Variants in RSRC1 observed in about 807,000 individuals in gnomAD.
RSRC1 encodes the protein arginine and serine rich coiled-coil 1.
Under a neutral mutation model 49.1 loss-of-function variants are expected in RSRC1, and 39 were observed. The observed-to-expected ratio is 0.79, with a 90% CI of 0.61 to 1.04. The LOEUF is 1.04. Among genes scored for constraint, RSRC1 ranks in the 50% least tolerant of loss-of-function variants. RSRC1 has a pLI of 0.00. For missense variants in RSRC1, 388 were observed against 402.4 expected (o/e 0.96, Z 0.31); for synonymous variants, 143 against 130.8 (o/e 1.09, Z -0.63).
intron 6 of RSRC1, among the ~76,000 whole-genome samples, chr3:158,386,278 T>C (rs1732961766): frequency 6.6e-6 from 1 of 152,150 alleles, no homozygotes; most frequent in South Asian, 2.1e-4. Context: ...TAGTACTTAT[T>C]AATTTATTAA....
At chr3:158,477,616 C>T (rs1738423137) in intron 7 of RSRC1, among the ~76,000 whole-genome samples, 1 of 151,594 alleles carries the variant, frequency 6.6e-6, no homozygotes, top group South Asian at 2.1e-4. Context: ...GTAGTGTAAA[C>T]ATAACTTTTA....
chr3:158,114,400 C>G (rs1714645868), intron 1 of RSRC1, among the ~76,000 whole-genome samples: 1 of 152,118 alleles, frequency 6.6e-6, no homozygotes, highest in East Asian at 1.9e-4. Flanking sequence ...GCTACTGTAG[C>G]CTGGTAGTAT....
At chr3:158,137,583 C>T (rs1716457524) in intron 3 of RSRC1, among the ~76,000 whole-genome samples, 1 of 151,602 alleles carries the variant, frequency 6.6e-6, no homozygotes, top group South Asian at 2.1e-4. Context: ...TTAGTAGATT[C>T]AGAATACTGA....
At position 158,229,310 on chromosome 3, in the gene RSRC1, G is replaced by GTA. The variant is rs1253749523; in HGVS notation, c.494+26070_494+26071dup. On this transcript the variant is annotated intron_variant, in intron 4 of 9. Transcript: ENST00000611884. ...TACACACACGTATATGTGTATGTATGTATATAAACATACACAGGTATATGT... is the reference window on the plus strand; with the variant it reads ...TACACACACGTATATGTGTATGTATGTATATATAAACATACACAGGTATATGT... Among the ~76,000 whole-genome samples the GTA allele has an allele frequency of 2.7e-4, 41 of 149,204 alleles. 1 individual carries two copies. The highest frequency in any genetic ancestry group is 3.0e-5 in the Non-Finnish European group (2 of 67,130).
chr3:158,431,231 T>G (rs1395928677), intron 6 of RSRC1, among the ~76,000 whole-genome samples: 1 of 150,274 alleles, frequency 6.7e-6, no homozygotes, highest in Non-Finnish European at 1.5e-5. Flanking sequence ...CAGCTTGGTA[T>G]TCTGAGTAAA....
At chr3:158,179,930 T>C (rs1227384810) in intron 3 of RSRC1, among the ~76,000 whole-genome samples, 1 of 152,202 alleles carries the variant, frequency 6.6e-6, no homozygotes, top group Non-Finnish European at 1.5e-5. Context: ...GATCTGATAG[T>C]TGAATAATGA....
chr3:158,259,730 G>A (rs1027894937), intron 4 of RSRC1, among the ~76,000 whole-genome samples: 1 of 152,120 alleles, frequency 6.6e-6, no homozygotes, highest in African/African-American at 2.4e-5. Context: ...CTGGAGCGAG[G>A]AACCTTAGTA....
At chr3:158,276,371 G>T in intron 4 of RSRC1, 2 of 779,582 alleles carry the variant, frequency 2.6e-6, no homozygotes, top group South Asian at 2.7e-5. Flanking sequence ...AGCGCATGAT[G>T]ACATCAGGCT....
chr3:158,235,681 C>A (rs1382546452), intron 4 of RSRC1, among the ~76,000 whole-genome samples: 3 of 152,110 alleles, frequency 2.0e-5, no homozygotes, highest in Non-Finnish European at 4.4e-5. Context: ...GTCTGTATTT[C>A]TTCTAATAAC....
intron 4 of RSRC1, among the ~76,000 whole-genome samples, chr3:158,214,584 C>T (rs1415132396): frequency 1.3e-5 from 2 of 151,560 alleles, no homozygotes; most frequent in Non-Finnish European, 1.5e-5. Context: ...TCTTTCTAAG[C>T]ACTGCTTGAG....
rs192005594 is a variant in RSRC1, at chr3:158,240,576, G to A, written c.494+37331G>A. 1.1e-3 allele frequency among the ~76,000 whole-genome samples: 165 copies of A among 152,176 alleles called. 2 individuals carry two copies. The highest frequency in any genetic ancestry group is 6.7e-3 in the Admixed American group (102 of 15,276). On this transcript the variant is annotated intron_variant, in intron 4 of 9. Coordinates refer to ENST00000611884, the MANE Select transcript of RSRC1 (RefSeq NM_001271838.2). ...CAATCTTCCTGGGTGAGATTTACGC[G>A]TAATTTTTCTTTCCTGTTCTCTCTT...
intron 6 of RSRC1, among the ~76,000 whole-genome samples, chr3:158,375,446 C>G (rs186621518): frequency 7.9e-5 from 12 of 151,708 alleles, no homozygotes; most frequent in Non-Finnish European, 1.5e-4. Context: ...CAGTAATCCA[C>G]TCACTTCAGC....
chr3:158,160,783 T>C (rs1410003405), intron 3 of RSRC1, among the ~76,000 whole-genome samples: 1 of 152,206 alleles, frequency 6.6e-6, no homozygotes, highest in African/African-American at 2.4e-5. Flanking sequence ...GTTAAAGTTT[T>C]TTTTAGCATC....
intron 6 of RSRC1, among the ~76,000 whole-genome samples, chr3:158,375,602 C>T (rs1399867736): frequency 1.3e-5 from 2 of 151,896 alleles, no homozygotes; most frequent in African/African-American, 4.8e-5. Flanking sequence ...TATATTCAAA[C>T]CTTATAGTAA....
chr3:158,201,994 G>A (rs1213517965), intron 3 of RSRC1, among the ~76,000 whole-genome samples: 1 of 152,010 alleles, frequency 6.6e-6, no homozygotes, highest in African/African-American at 2.4e-5. Flanking sequence ...AAATCACATG[G>A]TTGGATTAAA....
At chr3:158,259,470 A>G (rs556119659) in intron 4 of RSRC1, among the ~76,000 whole-genome samples, 167 of 152,216 alleles carry the variant, frequency 1.1e-3, no homozygotes, top group Admixed American at 1.7e-3. Context: ...GAACTGGGGT[A>G]AGGGTGACAA....
At chr3:158,129,610 A>C (rs1463799527) in intron 3 of RSRC1, among the ~76,000 whole-genome samples, 1 of 152,078 alleles carries the variant, frequency 6.6e-6, no homozygotes, top group Non-Finnish European at 1.5e-5. Context: ...CTATTTTCTT[A>C]CTGAGTAGTC....
chr3:158,454,369 T>C lies in RSRC1; in HGVS notation c.584-6566T>C, dbSNP rs528928138. Among the ~76,000 whole-genome samples the C allele has an allele frequency of 9.2e-5, 14 of 152,262 alleles. 1 individual carries two copies. The highest frequency in any genetic ancestry group is 2.9e-4 in the African/African-American group (12 of 41,532). On this transcript the variant is annotated intron_variant, in intron 6 of 9. Coordinates refer to ENST00000611884, the MANE Select transcript of RSRC1 (RefSeq NM_001271838.2). Reference sequence around the variant, plus strand: ...GAATTCAGTGAAATATATACACATGTACAAACACTAAGGTACATAGTAAAC... The same window carrying C: ...GAATTCAGTGAAATATATACACATGCACAAACACTAAGGTACATAGTAAAC...
At chr3:158,393,594 A>G (rs1733445942) in intron 6 of RSRC1, among the ~76,000 whole-genome samples, 1 of 151,878 alleles carries the variant, frequency 6.6e-6, no homozygotes, top group South Asian at 2.1e-4. Flanking sequence ...GAAACATAAA[A>G]CCTCCAAAGA....
Sources: allele counts gnomAD v4.1 joint callset (sites outside exome capture counted in the v4.1 genomes callset), GRCh38; gene constraint gnomAD v4.1.1; transcripts MANE v1.5; gene names NCBI Gene and HGNC (gene_info 2026-07-23, HGNC 2026-07-21).